Variants in INSC observed in about 807,000 individuals in gnomAD.
INSC encodes INSC spindle orientation adaptor protein.
Under a neutral mutation model 58.6 loss-of-function variants are expected in INSC, and 67 were observed. The ratio of observed to expected loss-of-function variants is 1.14; its 90% confidence interval spans 0.94 to 1.40. The LOEUF (loss-of-function observed/expected upper bound fraction) is 1.40, where lower values mean the gene tolerates loss of function less well. Among genes scored for constraint, INSC ranks in the 40% most tolerant of loss-of-function variants. INSC has a pLI of 0.00. For missense variants in INSC, 714 were observed against 692.0 expected, an observed-to-expected ratio of 1.03 and a Z score of -0.36; for synonymous variants, 262 against 276.1, an observed-to-expected ratio of 0.95 and a Z score of 0.51.
intron 5 of INSC, chr11:15,188,479 T>A (rs911199156): frequency 4.7e-6 from 2 of 428,314 alleles, no homozygotes; most frequent in Non-Finnish European, 6.2e-6. Context: ...CACTATGAAA[T>A]GAAGATTGGA....
intron 7 of INSC, among the ~76,000 whole-genome samples, chr11:15,210,701 C>A (rs1850991581): frequency 6.6e-6 from 1 of 152,004 alleles, no homozygotes; most frequent in Non-Finnish European, 1.5e-5. Context: ...CACAGGGAAG[C>A]AAAGATTGCC....
the INSC span, among the ~76,000 whole-genome samples, chr11:15,259,276 TAA>T: frequency 6.6e-6 from 1 of 152,110 alleles, no homozygotes; most frequent in Non-Finnish European, 1.5e-5. Flanking sequence ...TGCTGCTTAA[TAA>T]AAACAAGAAA....
At chr11:15,226,221 T>C (rs1037898348) in intron 9 of INSC, among the ~76,000 whole-genome samples, 4 of 152,098 alleles carry the variant, frequency 2.6e-5, no homozygotes, top group African/African-American at 9.7e-5. Flanking sequence ...AGACCTCCTC[T>C]GAAGGTCTGT....
At chr11:15,263,523 A>C in the INSC span, among the ~76,000 whole-genome samples, 1 of 152,168 alleles carries the variant, frequency 6.6e-6, no homozygotes, top group African/African-American at 2.4e-5. Flanking sequence ...AGTTGGAACA[A>C]CAGCCAGTTT....
At chr11:15,186,662 G>T (rs751735092) in intron 5 of INSC, among the ~76,000 whole-genome samples, 2 of 152,136 alleles carry the variant, frequency 1.3e-5, no homozygotes, top group Non-Finnish European at 2.9e-5. Context: ...TATTTTGTCT[G>T]TTTTCTCTTC....
chr11:15,253,106 A>C, the INSC span, among the ~76,000 whole-genome samples: 2 of 152,352 alleles, frequency 1.3e-5, no homozygotes, highest in East Asian at 3.9e-4. Context: ...GTAAAGAGAA[A>C]ATTACCACTG....
chr11:15,157,563 G>A (rs1044264021), intron 2 of INSC, among the ~76,000 whole-genome samples: 1 of 152,200 alleles, frequency 6.6e-6, no homozygotes, highest in Admixed American at 6.5e-5. Flanking sequence ...TGTGTAATCA[G>A]ACTTTTCATA....
intron 12 of INSC, 50 bp from the exon 13 acceptor site, chr11:15,245,862 C>A: frequency 1.9e-6 from 3 of 1,588,134 alleles, no homozygotes; most frequent in Non-Finnish European, 1.7e-6. Flanking sequence ...AATACATGTA[C>A]CTGACATGGC....
rs140550995 is a variant in INSC, at chr11:15,174,960, A to G, written c.57-781A>G. On this transcript the variant is annotated intron_variant, in intron 2 of 12. Transcript: ENST00000379556. ...TTACTGACTTTTACTTGACTCAGTGAATTTTAGAGTGCATTTTATTTGATT... is the reference window on the plus strand; with the variant it reads ...TTACTGACTTTTACTTGACTCAGTGGATTTTAGAGTGCATTTTATTTGATT... Among the ~76,000 whole-genome samples, 751 of 152,300 alleles carry G rather than the reference A, an allele frequency of 4.9e-3. 1 individual carries two copies. The highest frequency in any genetic ancestry group is 0.014 in the Middle Eastern group (4 of 294).
Position 15,246,126 on chromosome 11 carries a change from C to G in INSC, c.*86C>G. On this transcript the variant is annotated 3_prime_UTR_variant, in exon 13 of 13. Transcript: ENST00000379556. Reference sequence around the variant, plus strand: ...GAACACATCTGAGTACATACCAGCTCTCCTCATCTTCTTATTTATACTTAA... The same window carrying G: ...GAACACATCTGAGTACATACCAGCTGTCCTCATCTTCTTATTTATACTTAA... The G allele has an allele frequency of 7.1e-7, 1 of 1,406,030 alleles. No individual in the cohort carries two copies. The highest frequency in any genetic ancestry group is 9.8e-7 in the Non-Finnish European group (1 of 1,025,110). The allele number at this position is 1,406,030 out of a possible 1,614,324, so 87.1% of individuals were successfully genotyped here. A position where few individuals can be genotyped will look rare whatever the true frequency, so the allele number is the denominator to read the frequency against.
intron 9 of INSC, among the ~76,000 whole-genome samples, chr11:15,234,115 C>T (rs1241658048): frequency 6.6e-6 from 1 of 152,232 alleles, no homozygotes; most frequent in Admixed American, 6.5e-5. Context: ...GCTAGTCACC[C>T]CCTTCTTAAA....
At chr11:15,146,786 G>A (rs920382194) in intron 1 of INSC, among the ~76,000 whole-genome samples, 8 of 152,118 alleles carry the variant, frequency 5.3e-5, no homozygotes, top group South Asian at 4.1e-4. Flanking sequence ...CTGTATTTCC[G>A]GAATCTGCCT....
intron 1 of INSC, among the ~76,000 whole-genome samples, chr11:15,134,198 T>C (rs966243290): frequency 2.0e-5 from 3 of 152,206 alleles, no homozygotes; most frequent in Non-Finnish European, 4.4e-5. Context: ...GTTAAGTGCC[T>C]AATACCATAT....
intron 2 of INSC, among the ~76,000 whole-genome samples, chr11:15,150,043 T>G (rs907215053): frequency 3.3e-5 from 5 of 152,188 alleles, no homozygotes; most frequent in Non-Finnish European, 7.4e-5. Flanking sequence ...TTGTGAAATC[T>G]TTTTTTCACA....
At chr11:15,112,619 TG>T, upstream of INSC, 1 of 524,402 alleles carries the variant, frequency 1.9e-6, no homozygotes. Context: ...TGTGTGTGTG[TG>T]TGTGTGTGTG....
At chr11:15,239,205 CA>C in intron 11 of INSC, 131 bp downstream of exon 11, 1 of 1,142,282 alleles carries the variant, frequency 8.8e-7, no homozygotes, top group Non-Finnish European at 1.2e-6. Context: ...TCTGGGGGCT[CA>C]GGGGTGGAGG....
intron 10 of INSC, among the ~76,000 whole-genome samples, chr11:15,237,197 C>T (rs1852164876): frequency 1.3e-5 from 2 of 152,190 alleles, no homozygotes; most frequent in African/African-American, 4.8e-5. Context: ...TAGAGGATCT[C>T]ACAGTCTAGA....
chr11:15,159,990 C>T (rs1848958788), intron 2 of INSC, among the ~76,000 whole-genome samples: 1 of 152,210 alleles, frequency 6.6e-6, no homozygotes. Context: ...CATACATATA[C>T]ACCAGCTGCA....
chr11:15,203,879 G>A (rs926403598), intron 7 of INSC, among the ~76,000 whole-genome samples: 3 of 151,466 alleles, frequency 2.0e-5, no homozygotes, highest in African/African-American at 7.3e-5. Context: ...ATAAAATTCT[G>A]TGTCCCATGA....
Sources: allele counts gnomAD v4.1 joint callset (sites outside exome capture counted in the v4.1 genomes callset), GRCh38; gene constraint gnomAD v4.1.1; transcripts MANE v1.5; gene names NCBI Gene and HGNC (gene_info 2026-07-23, HGNC 2026-07-21).